Variants in CFL1 observed in about 807,000 individuals in gnomAD.
CFL1 encodes the protein cofilin 1, also known as cofilin-1.
In CFL1, 2 loss-of-function variants were observed where a neutral mutation model predicts 16.3. The observed-to-expected ratio is 0.12, with a 90% CI of 0.05 to 0.39. CFL1 has a LOEUF of 0.39. Among genes scored for constraint, CFL1 ranks in the 10% least tolerant of loss-of-function variants. The pLI is 0.99. For missense variants in CFL1, 75 were observed against 212.2 expected (o/e 0.35, Z 4.02); for synonymous variants, 111 against 84.4 (o/e 1.31, Z -1.73).
At position 65,855,008 on chromosome 11, in the gene CFL1, G is replaced by C. The variant is rs1253317562; in HGVS notation, c.*328C>G. 1 of 323,488 alleles carries C rather than the reference G, an allele frequency of 3.1e-6. No homozygotes were observed. 20.0% of individuals were successfully genotyped at this position (323,488 alleles called of 1,614,324 possible). A position where few individuals can be genotyped will look rare whatever the true frequency, so the allele number is the denominator to read the frequency against. On this transcript the variant is annotated 3_prime_UTR_variant, in exon 4 of 4. Coordinates refer to ENST00000308162, the MANE Select transcript of CFL1 (RefSeq NM_005507.3). ...CGGTTAGAAGTTGGCAGCATGGGAA[G>C]GGGGAGGACCAGGTGGGGAATGGGG...
chr11:65,856,345 T>A (rs1859385079), intron 1 of CFL1, 103 bp from the exon 2 acceptor site: 1 of 1,140,080 alleles, frequency 8.8e-7, no homozygotes, highest in African/African-American at 1.5e-5. Flanking sequence ...ACTAGTGCCC[T>A]TCCCAAGGCA....
intron 1 of CFL1, chr11:65,856,698 C>T (rs1859391763): frequency 1.1e-5 from 2 of 187,858 alleles, no homozygotes; most frequent in Non-Finnish European, 2.3e-5. Flanking sequence ...CCCAAGGACA[C>T]CGAACAGTTA....
At chr11:65,856,362 T>A in intron 1 of CFL1, 120 bp from the exon 2 acceptor site, 1 of 934,082 alleles carries the variant, frequency 1.1e-6, no homozygotes, top group Non-Finnish European at 1.6e-6. Context: ...GGCAAGTCAC[T>A]AGTTTTCCCA....
chr11:65,856,468 C>G (rs1285330037), intron 1 of CFL1: 1 of 538,154 alleles, frequency 1.9e-6, no homozygotes, highest in Non-Finnish European at 3.3e-6. Context: ...CCTCATTTTA[C>G]AGGATAGAAA....
chr11:65,855,293 G>A lies in CFL1; in HGVS notation c.*43C>T, dbSNP rs1250749652. On this transcript the variant is annotated 3_prime_UTR_variant, in exon 4 of 4. Transcript: ENST00000308162. Reference sequence around the variant, plus strand: ...GGCAGCCTGCAACCCCCAAGGGCAGGTGTGGGGCTGCCAGATGCTCCAGGC... The same window carrying A: ...GGCAGCCTGCAACCCCCAAGGGCAGATGTGGGGCTGCCAGATGCTCCAGGC... 4.6e-6 allele frequency: 7 copies of A among 1,526,834 alleles called. No homozygotes were observed. The highest frequency in any genetic ancestry group is 6.3e-6 in the Non-Finnish European group (7 of 1,103,142). 94.6% of individuals were successfully genotyped at this position (1,526,834 alleles called of 1,614,324 possible). A position where few individuals can be genotyped will look rare whatever the true frequency, so the allele number is the denominator to read the frequency against.
chr11:65,858,004 G>T, intron 1 of CFL1, 93 bp downstream of exon 1: 1 of 1,347,744 alleles, frequency 7.4e-7, no homozygotes, highest in Non-Finnish European at 1.0e-6. Context: ...GGGCGCTGGG[G>T]GAGGGGGTGC....
intron 3 of CFL1, 36 bp from the exon 4 acceptor site, chr11:65,855,484 A>G (rs1045740123): frequency 6.2e-7 from 1 of 1,600,902 alleles, no homozygotes; most frequent in Non-Finnish European, 8.6e-7. Flanking sequence ...GTGAGCAGGA[A>G]GCACTGGGGT....
chr11:65,855,937 G>A lies in CFL1; in HGVS notation c.309C>T (p.Phe103=), dbSNP rs375268329. Residue 103 remains phenylalanine, a splice_region_variant and synonymous_variant, in exon 2 of 4, where the codon TTC becomes TTT. Transcript: ENST00000308162. ...AAGAAGTGCCAGAATGAGCTCACCA[G>A]AAGATAAACACCAGATCCTCCTTCT... ...ESKKEDLVFI[F]WAPESAPLKS... The A allele has an allele frequency of 6.2e-7, 1 of 1,609,486 alleles. No individual in the cohort carries two copies. Among genetic ancestry groups the A allele is most frequent in the South Asian group, 1.1e-5 (1 of 90,998 alleles).
chr11:65,857,100 G>C (rs1462758060), intron 1 of CFL1: 1 of 157,584 alleles, frequency 6.3e-6, no homozygotes, highest in African/African-American at 2.4e-5. Flanking sequence ...CACCAATGCA[G>C]AAACGCGTAT....
At chr11:65,857,349 G>T (rs1223800640) in intron 1 of CFL1, 3 of 374,716 alleles carry the variant, frequency 8.0e-6, no homozygotes, top group African/African-American at 4.3e-5. Context: ...CGCTGGCCCA[G>T]GGCTTCGGCA....
chr11:65,855,472 C>G lies in CFL1; in HGVS notation c.389-24G>C, dbSNP rs867522969. On this transcript the variant is annotated intron_variant, in intron 3 of 3. Transcript: ENST00000308162. ...CCCTATAAAGAAGAAAGGGGAGCATCTGTGAGCAGGAAGCACTGGGGTGGG... is the reference window on the plus strand; with the variant it reads ...CCCTATAAAGAAGAAAGGGGAGCATGTGTGAGCAGGAAGCACTGGGGTGGG... 2.3e-5 allele frequency: 37 copies of G among 1,609,646 alleles called. 1 individual carries two copies. The Middle Eastern group carries it at 3.3e-3, about 144-fold the overall frequency.
At position 65,856,045 on chromosome 11, in the gene CFL1, G is replaced by C. The variant is rs11550153; in HGVS notation, c.201C>G (p.Pro67=). 6.2e-7 allele frequency: 1 copy of C among 1,614,174 alleles called. No homozygotes were observed. Among genetic ancestry groups the C allele is most frequent in the Admixed American group, 1.7e-5 (1 of 60,020 alleles). ...VGDVGQTVDD[P]YATFVKMLPD... is the part of the protein sequence containing the mutation. ...GCAGCATCTTGACAAAGGTGGCGTAGGGGTCGTCGACAGTCTGGCCCACAT... is the reference window on the plus strand; with the variant it reads ...GCAGCATCTTGACAAAGGTGGCGTACGGGTCGTCGACAGTCTGGCCCACAT... Residue 67 remains proline (P), a synonymous_variant, in exon 2 of 4, where the codon CCC becomes CCG. Transcript: ENST00000308162.
In CFL1 at chr11:65,856,249, G is replaced by A. The variant is rs188109157; in HGVS notation, c.4-7C>T. ...AGACAGCCACACCGGAGGCCTAGGA[G>A]ACATGCCACGTATACGTCAAGAAAA... On this transcript the variant is annotated splice_region_variant and splice_polypyrimidine_tract_variant and intron_variant, in intron 1 of 3. Transcript: ENST00000308162. The A allele has an allele frequency of 6.0e-5, 96 of 1,610,348 alleles. 1 individual carries two copies. In the East Asian group the frequency reaches 1.8e-3, roughly 30 times the overall value.
In CFL1 at chr11:65,856,332, G is replaced by A; in HGVS notation, c.4-90C>T. 3 of 1,316,954 alleles carry A rather than the reference G, an allele frequency of 2.3e-6. No individual in the cohort carries two copies. In the South Asian group the frequency reaches 4.1e-5, roughly 18 times the overall value. 81.6% of individuals were successfully genotyped at this position (1,316,954 alleles called of 1,614,324 possible). A position where few individuals can be genotyped will look rare whatever the true frequency, so the allele number is the denominator to read the frequency against. On this transcript the variant is annotated intron_variant, in intron 1 of 3. Transcript: ENST00000308162. ...AAGATCTCAGTCCACGTCCCGAGTGGTCACTAGTGCCCTTCCCAAGGCAAG... is the reference window on the plus strand; with the variant it reads ...AAGATCTCAGTCCACGTCCCGAGTGATCACTAGTGCCCTTCCCAAGGCAAG...
At chr11:65,857,877 G>T (rs1259960108) in intron 1 of CFL1, 4 of 340,708 alleles carry the variant, frequency 1.2e-5, no homozygotes, top group Non-Finnish European at 1.6e-5. Flanking sequence ...GCGGGTGGGG[G>T]AGGGGAGCCC....
In CFL1 at chr11:65,855,188, G is replaced by A. The variant is rs140754612; in HGVS notation, c.*148C>T. ...GAGAAGGAAAATCCAGGGGGTGGGG[G>A]GTCTGTTTGGCAACTGGGGTGAAGG... On this transcript the variant is annotated 3_prime_UTR_variant, in exon 4 of 4. Transcript: ENST00000308162. 1.2e-4 allele frequency: 77 copies of A among 626,946 alleles called. No individual in the cohort carries two copies. In the Middle Eastern group the frequency reaches 2.6e-3, roughly 21 times the overall value. 38.8% of individuals were successfully genotyped at this position (626,946 alleles called of 1,614,324 possible).
Position 65,855,706 on chromosome 11 carries a change from CTT to C in CFL1, c.334_335del (p.Lys112GlufsTer22). On this transcript the variant is annotated frameshift_variant, in exon 3 of 4. Coordinates refer to ENST00000308162, the MANE Select transcript of CFL1 (RefSeq NM_005507.3). LOFTEE classifies it high-confidence loss of function. ...TGGAGCTGGCATAAATCATTTTGCTCTTAAGGGGCGCAGACTCGGGGGCCCTG... is the reference window on the plus strand; with the variant it reads ...TGGAGCTGGCATAAATCATTTTGCTCAAGGGGCGCAGACTCGGGGGCCCTG... ...IFWAPESAPL[K>X]SKMIYASSKD... The C allele has an allele frequency of 6.4e-7, 1 of 1,565,272 alleles. No individual in the cohort carries two copies. The highest frequency in any genetic ancestry group is 8.6e-7 in the Non-Finnish European group (1 of 1,157,594).
At chr11:65,857,357 G>A (rs1344253789) in intron 1 of CFL1, 1 of 382,298 alleles carries the variant, frequency 2.6e-6, no homozygotes, top group Non-Finnish European at 5.4e-6. Context: ...CAGGGCTTCG[G>A]CACCGGCGGC....
At chr11:65,856,335 A>G (rs1859384883) in intron 1 of CFL1, 93 bp from the exon 2 acceptor site, 5 of 1,260,474 alleles carry the variant, frequency 4.0e-6, no homozygotes, top group Non-Finnish European at 5.6e-6. Flanking sequence ...CCGAGTGGTC[A>G]CTAGTGCCCT....
Sources: allele counts gnomAD v4.1 joint callset, GRCh38; gene constraint gnomAD v4.1.1; transcripts MANE v1.5; gene names NCBI Gene and HGNC (gene_info 2026-07-23, HGNC 2026-07-21).